The following COL5A2 variants were observed in gnomAD, a reference collection of about 807,000 sequenced individuals.
The protein encoded by COL5A2 is collagen type V alpha 2 chain.
Under a neutral mutation model 208.2 loss-of-function variants are expected in COL5A2, and 23 were observed. The ratio of observed to expected loss-of-function variants is 0.11; its 90% CI spans 0.08 to 0.16. The LOEUF is 0.16. COL5A2 is among the 10% of genes least tolerant of loss of function. COL5A2 has a pLI of 1.00. For synonymous variants in COL5A2, 625 were observed against 628.5 expected (o/e 0.99, Z 0.08); for missense variants, 1,590 against 1,956.4 (o/e 0.81, Z 3.53).
intron 3 of COL5A2, among the ~76,000 whole-genome samples, chr2:189,101,194 T>C (rs1407086601): frequency 6.6e-6 from 1 of 152,094 alleles, no homozygotes; most frequent in Non-Finnish European, 1.5e-5. Context: ...TTAACATCTC[T>C]AAAATGTAGA....
At chr2:189,122,651 G>A (rs1301534783) in intron 1 of COL5A2, among the ~76,000 whole-genome samples, 11 of 152,110 alleles carry the variant, frequency 7.2e-5, no homozygotes. Context: ...ACTCTACTGG[G>A]CTGTACATTT....
chr2:189,148,842 A>G (rs1336794837), intron 1 of COL5A2, among the ~76,000 whole-genome samples: 1 of 152,214 alleles, frequency 6.6e-6, no homozygotes, highest in Admixed American at 6.5e-5. Flanking sequence ...GGTCTTCAAC[A>G]TGAAATACTG....
At chr2:189,275,777 A>T in the COL5A2 span, among the ~76,000 whole-genome samples, 1 of 152,136 alleles carries the variant, frequency 6.6e-6, no homozygotes, top group South Asian at 2.1e-4. Flanking sequence ...CAAATAAAAG[A>T]GAATGCTTTC....
At chr2:189,131,876 A>G (rs777088074) in intron 1 of COL5A2, among the ~76,000 whole-genome samples, 5 of 152,260 alleles carry the variant, frequency 3.3e-5, no homozygotes, top group African/African-American at 4.8e-5. Context: ...AAAAGAAATT[A>G]TACGTGTAAA....
Position 189,078,556 on chromosome 2 carries a change from A to G in COL5A2, c.1019T>C (p.Met340Thr). 1 of 1,612,740 alleles carries G rather than the reference A, an allele frequency of 6.2e-7. No individual in the cohort carries two copies. Among genetic ancestry groups the G allele is most frequent in the Non-Finnish European group, 8.5e-7 (1 of 1,178,810 alleles). ...GAMGPLGPRG[M>T]PGERGRLGPQ... ...CCCAAGTCTCCCTCTCTCTCCTGGC[A>G]TTCCCCTCGGACCCTATAGACGATA... Residue 340 changes from methionine (M) to threonine (T), a missense_variant, in exon 16 of 54, where the codon ATG becomes ACG. Coordinates refer to ENST00000374866, the MANE Select transcript of COL5A2 (RefSeq NM_000393.5).
chr2:189,343,558 C>A, the COL5A2 span, among the ~76,000 whole-genome samples: 1 of 152,236 alleles, frequency 6.6e-6, no homozygotes, highest in East Asian at 1.9e-4. Context: ...AGTTCACCTA[C>A]AAGCATTTAT....
chr2:189,356,370 C>T, the COL5A2 span, among the ~76,000 whole-genome samples: 1 of 152,156 alleles, frequency 6.6e-6, no homozygotes, highest in Non-Finnish European at 1.5e-5. Context: ...TTCAGTTACA[C>T]CAATCAAACG....
the COL5A2 span, among the ~76,000 whole-genome samples, chr2:189,358,277 T>C: frequency 6.6e-6 from 1 of 152,204 alleles, no homozygotes. Flanking sequence ...TCATTTACAA[T>C]GCTCCTAGTC....
intron 1 of COL5A2, among the ~76,000 whole-genome samples, chr2:189,213,873 C>T (rs1399397129): frequency 6.6e-6 from 1 of 152,170 alleles, no homozygotes; most frequent in Non-Finnish European, 1.5e-5. Context: ...CACAGAAAGG[C>T]TTCTGGGTAG....
At chr2:189,332,322 A>G in the COL5A2 span, among the ~76,000 whole-genome samples, 1 of 152,160 alleles carries the variant, frequency 6.6e-6, no homozygotes, top group Non-Finnish European at 1.5e-5. Flanking sequence ...ACTATAACCA[A>G]CCTCTCCAGA....
intron 1 of COL5A2, among the ~76,000 whole-genome samples, chr2:189,198,729 C>CT (rs202232284): frequency 1.7e-5 from 1 of 59,270 alleles, no homozygotes; most frequent in Non-Finnish European, 6.6e-5. Flanking sequence ...CCCTGTAAAA[C>CT]ATATATGTTT....
chr2:189,328,985 C>T, the COL5A2 span, among the ~76,000 whole-genome samples: 35 of 152,116 alleles, frequency 2.3e-4, no homozygotes, highest in Non-Finnish European at 3.4e-4. Context: ...AATCCCACTT[C>T]TGGGTATGTA....
chr2:189,110,407 A>G lies in COL5A2; in HGVS notation c.140T>C (p.Met47Thr), dbSNP rs1687238166. 6.2e-7 allele frequency: 1 copy of G among 1,614,038 alleles called. No individual in the cohort carries two copies. Among genetic ancestry groups the G allele is most frequent in the Non-Finnish European group, 8.5e-7 (1 of 1,180,012 alleles). ...TTTCCAAATGTCCCTGTTTAAGTAC[A>G]TCTGGCCATTCTGAGTGCAGGCTAT... ...EEIACTQNGQ[M>T]YLNRDIWKPA... Residue 47 changes from methionine to threonine, a missense_variant, in exon 2 of 54, where the codon ATG becomes ACG. Met to Thr is a moderately conservative substitution (Grantham distance 81). Coordinates refer to ENST00000374866, the MANE Select transcript of COL5A2 (RefSeq NM_000393.5).
chr2:189,111,511 G>T (rs1687260642), intron 1 of COL5A2, among the ~76,000 whole-genome samples: 2 of 151,854 alleles, frequency 1.3e-5, no homozygotes, highest in African/African-American at 4.8e-5. Context: ...TTCATCCCAG[G>T]CCCACATGGC....
At chr2:189,287,270 AG>A in the COL5A2 span, among the ~76,000 whole-genome samples, 14 of 152,204 alleles carry the variant, frequency 9.2e-5, no homozygotes, top group Admixed American at 2.6e-4. Flanking sequence ...TTATCATTAA[AG>A]GTATAAAATT....
the COL5A2 span, among the ~76,000 whole-genome samples, chr2:189,366,644 C>T: frequency 6.6e-6 from 1 of 152,160 alleles, no homozygotes; most frequent in Non-Finnish European, 1.5e-5. Flanking sequence ...TGTGGGTGTG[C>T]TTGTATTCAG....
the COL5A2 span, among the ~76,000 whole-genome samples, chr2:189,421,253 G>A: frequency 1.3e-5 from 2 of 151,774 alleles, no homozygotes; most frequent in African/African-American, 2.4e-5. Context: ...CTCACCTTAC[G>A]AAACATAACT....
the COL5A2 span, among the ~76,000 whole-genome samples, chr2:189,271,646 A>T: frequency 6.6e-5 from 10 of 152,252 alleles, no homozygotes; most frequent in African/African-American, 9.6e-5. Context: ...GACAAAAGCC[A>T]AAGTTGATAA....
the COL5A2 span, among the ~76,000 whole-genome samples, chr2:189,437,626 G>A: frequency 6.6e-6 from 1 of 152,168 alleles, no homozygotes; most frequent in African/African-American, 2.4e-5. Context: ...TCACTTAACT[G>A]CCTGAGGTTC....
Sources: allele counts gnomAD v4.1 joint callset (sites outside exome capture counted in the v4.1 genomes callset), GRCh38; gene constraint gnomAD v4.1.1; transcripts MANE v1.5; gene names NCBI Gene and HGNC (gene_info 2026-07-23, HGNC 2026-07-21).